Variants in MYO1H observed in about 807,000 individuals in gnomAD.
MYO1H encodes the protein unconventional myosin-Ih.
MYO1H carries 118 observed loss-of-function variants against 149.3 expected under a neutral mutation model. The observed-to-expected ratio is 0.79, with a 90% CI of 0.68 to 0.92. MYO1H has a LOEUF of 0.92. MYO1H is among the 40% of genes least tolerant of loss of function. The pLI, the probability that MYO1H is intolerant of heterozygous loss-of-function variation, is 0.00. For synonymous variants in MYO1H, 447 were observed against 465.2 expected (o/e 0.96, Z 0.50); for missense variants, 1,212 against 1,280.7 (o/e 0.95, Z 0.82).
At chr12:109,387,798 A>T (rs554218005) in intron 1 of MYO1H, among the ~76,000 whole-genome samples, 1 of 152,058 alleles carries the variant, frequency 6.6e-6, no homozygotes, top group Non-Finnish European at 1.5e-5. Context: ...CTTCATACCT[A>T]CTCCTGTTCC....
chr12:109,411,039 G>A (rs1227303786), intron 13 of MYO1H, among the ~76,000 whole-genome samples: 1 of 152,152 alleles, frequency 6.6e-6, no homozygotes, highest in Non-Finnish European at 1.5e-5. Context: ...CTACTTGGGA[G>A]GCTGAAACAG....
chr12:109,395,586 T>C (rs1273413588), intron 3 of MYO1H, among the ~76,000 whole-genome samples: 4 of 146,516 alleles, frequency 2.7e-5, no homozygotes, highest in Non-Finnish European at 6.1e-5. Flanking sequence ...ATAAAAAAAT[T>C]AGCCAGGCGT....
At chr12:109,358,690 T>C (rs578220986) in intron 1 of MYO1H, among the ~76,000 whole-genome samples, 4 of 152,072 alleles carry the variant, frequency 2.6e-5, no homozygotes, top group South Asian at 2.1e-4. Context: ...CACGAGATAG[T>C]GTGTTCTCTG....
chr12:109,337,866 G>A, the MYO1H span, among the ~76,000 whole-genome samples: 1 of 152,120 alleles, frequency 6.6e-6, no homozygotes, highest in Non-Finnish European at 1.5e-5. Context: ...TGATCAAACC[G>A]TGAATTTTCC....
chr12:109,410,748 A>G lies in MYO1H; in HGVS notation c.1390A>G (p.Lys464Glu), dbSNP rs372080760. Residue 464 changes from lysine (K) to glutamate (E), a missense_variant, in exon 13 of 32, where the codon AAA becomes GAA. By Grantham distance (56) the Lys-to-Glu change is moderately conservative. Coordinates refer to ENST00000310903, the Ensembl canonical transcript of MYO1H. Reference sequence around the variant, plus strand: ...CTGTGATTTGGTAGAAGAGAGACATAAAGGAATCATATCTATTCTGGTGAG... The same window carrying G: ...CTGTGATTTGGTAGAAGAGAGACATGAAGGAATCATATCTATTCTGGTGAG... The G allele has an allele frequency of 4.0e-5, 64 of 1,593,650 alleles. No homozygotes were observed. Among genetic ancestry groups the G allele is most frequent in the Non-Finnish European group, 5.2e-5 (61 of 1,164,318 alleles).
chr12:109,421,659 G>A (rs961663511), intron 16 of MYO1H, among the ~76,000 whole-genome samples: 2 of 152,080 alleles, frequency 1.3e-5, no homozygotes, highest in Non-Finnish European at 1.5e-5. Context: ...ATACTGGGGT[G>A]ACATGATCTG....
chr12:109,409,590 G>A, exon 11 of MYO1H: 1 of 1,613,752 alleles, frequency 6.2e-7, no homozygotes, highest in Non-Finnish European at 8.5e-7. Context: ...TGGATTACTG[G>A]ACATCTATGG....
At chr12:109,406,146 G>T in intron 8 of MYO1H, 111 bp downstream of exon 8, 1 of 707,098 alleles carries the variant, frequency 1.4e-6, no homozygotes. Flanking sequence ...TGCTGTTTTG[G>T]CTGATATTGG....
the MYO1H span, among the ~76,000 whole-genome samples, chr12:109,333,418 T>A: frequency 6.6e-5 from 10 of 152,238 alleles, no homozygotes; most frequent in Admixed American, 4.6e-4. Context: ...TCCATTGCCT[T>A]CTCTTGCTTG....
rs1237545961 is a variant in MYO1H at position 109,393,291 on chromosome 12, C to T, written c.175-40C>T. On this transcript the variant is annotated intron_variant, in intron 2 of 31. Coordinates refer to ENST00000310903, the Ensembl canonical transcript of MYO1H. ...TCATCATGTGTGACAGTCTTTTGCACCCCAGAATTCCTCACTTGTGCTTTG... is the reference window on the plus strand; with the variant it reads ...TCATCATGTGTGACAGTCTTTTGCATCCCAGAATTCCTCACTTGTGCTTTG... 3 of 1,282,258 alleles carry T rather than the reference C, an allele frequency of 2.3e-6. No individual in the cohort carries two copies. In the Admixed American group the frequency reaches 5.9e-5, roughly 25 times the overall value. 79.4% of individuals were successfully genotyped at this position (1,282,258 alleles called of 1,614,324 possible).
At chr12:109,346,912 T>A (rs1289995434), upstream of MYO1H, among the ~76,000 whole-genome samples, 1 of 152,230 alleles carries the variant, frequency 6.6e-6, no homozygotes. Context: ...AAAAATGGAA[T>A]CATTTCTTTA....
chr12:109,360,297 G>C (rs1868715407), intron 1 of MYO1H, among the ~76,000 whole-genome samples: 1 of 152,038 alleles, frequency 6.6e-6, no homozygotes, highest in Admixed American at 6.6e-5. Flanking sequence ...TTGTGTACCA[G>C]CTCTAATCGG....
chr12:109,422,322 C>T (rs1871206198), intron 16 of MYO1H, among the ~76,000 whole-genome samples: 1 of 152,262 alleles, frequency 6.6e-6, no homozygotes, highest in South Asian at 2.1e-4. Flanking sequence ...TTGTCTCAAC[C>T]TTTTTGGACT....
At chr12:109,438,415 C>T in intron 22 of MYO1H, 121 bp from the exon 23 acceptor site, 1 of 741,958 alleles carries the variant, frequency 1.3e-6, no homozygotes, top group Non-Finnish European at 2.3e-6. Context: ...ATCTCTGAGG[C>T]TAACAGAGTG....
intron 1 of MYO1H, among the ~76,000 whole-genome samples, chr12:109,387,053 A>G (rs182407692): frequency 2.1e-5 from 3 of 140,592 alleles, no homozygotes; most frequent in Admixed American, 1.4e-4. Context: ...GTGTAGTGTA[A>G]TGTAATATAG....
At chr12:109,322,679 G>A in the MYO1H span, among the ~76,000 whole-genome samples, 2 of 152,034 alleles carry the variant, frequency 1.3e-5, no homozygotes. Flanking sequence ...AATTAGCTGG[G>A]TGTGGTGGCA....
chr12:109,318,967 G>GTTTTTTTTTTT, the MYO1H span, among the ~76,000 whole-genome samples: 113 of 79,604 alleles, frequency 1.4e-3, 6 homozygotes, highest in African/African-American at 3.0e-3. Context: ...TGCGTTTTTG[G>GTTTTTTTTTTT]TTTTGTTTTT....
Position 109,382,868 on chromosome 12 carries a change from A to T in MYO1H, c.13-5815A>T, listed in dbSNP as rs901568272. Reference sequence around the variant, plus strand: ...TATATTTACAGGAAAAATATATTTTAAAAATATGAATTAAAATAATGATAT... The same window carrying T: ...TATATTTACAGGAAAAATATATTTTTAAAATATGAATTAAAATAATGATAT... On this transcript the variant is annotated intron_variant, in intron 1 of 31. Transcript: ENST00000310903. 6.1e-5 allele frequency among the ~76,000 whole-genome samples: 9 copies of T among 148,582 alleles called. No individual in the cohort carries two copies. The East Asian group carries it at 1.4e-3, about 22-fold the overall frequency.
At chr12:109,339,871 A>C in the MYO1H span, among the ~76,000 whole-genome samples, 1 of 152,230 alleles carries the variant, frequency 6.6e-6, no homozygotes, top group African/African-American at 2.4e-5. Flanking sequence ...TGGGAATGTC[A>C]ATTCATTCAT....
Sources: allele counts gnomAD v4.1 joint callset (sites outside exome capture counted in the v4.1 genomes callset), GRCh38; gene constraint gnomAD v4.1.1; transcripts MANE v1.5; gene names NCBI Gene and HGNC (gene_info 2026-07-23, HGNC 2026-07-21).